SPC24: variants seen among roughly 807,000 people sequenced by gnomAD.
The protein encoded by SPC24 is SPC24 component of NDC80 kinetochore complex, also known as kinetochore protein Spc24.
In SPC24, 31 loss-of-function variants were observed where a neutral mutation model predicts 27.6. The observed-to-expected ratio is 1.12, with a 90% CI of 0.84 to 1.52. The LOEUF (loss-of-function observed/expected upper bound fraction) is 1.52. Among genes scored for constraint, SPC24 ranks in the 40% most tolerant of loss-of-function variants. SPC24 has a pLI of 0.00. For missense variants in SPC24, 284 were observed against 252.5 expected, an observed-to-expected ratio of 1.12 and a Z score of -0.84; for synonymous variants, 105 against 105.8, an observed-to-expected ratio of 0.99 and a Z score of 0.05.
intron 1 of SPC24, among the ~76,000 whole-genome samples, chr19:11,151,624 G>T (rs907838551): frequency 2.9e-4 from 44 of 151,746 alleles, no homozygotes; most frequent in Middle Eastern, 3.4e-3. Context: ...TTTTTTGGGG[G>T]GGGGGGATGG....
chr19:11,149,992 G>C (rs1022879605), intron 1 of SPC24, among the ~76,000 whole-genome samples: 15 of 151,766 alleles, frequency 9.9e-5, no homozygotes, highest in Admixed American at 8.5e-4. Flanking sequence ...TTACAGGCGT[G>C]AGCCACTGCG....
rs145261717 is a variant in SPC24 at position 11,148,335 on chromosome 19, G to T, written c.306-218C>A. Among the ~76,000 whole-genome samples the T allele has an allele frequency of 3.4e-4, 51 of 152,088 alleles. No individual in the cohort carries two copies. The East Asian group carries it at 4.8e-3, about 14-fold the overall frequency. ...TGATTCTGGAGCCCCTGCCTACCGA[G>T]TAGCTGGGATTACAAGCACACACCA... On this transcript the variant is annotated intron_variant, in intron 2 of 4. Coordinates refer to ENST00000592540, the MANE Select transcript of SPC24 (RefSeq NM_182513.4).
chr19:11,147,979 G>A, intron 3 of SPC24, 34 bp downstream of exon 3: 1 of 1,605,812 alleles, frequency 6.2e-7, no homozygotes, highest in Non-Finnish European at 8.5e-7. Flanking sequence ...TGCACAAGGA[G>A]GCACAGGCAG....
In SPC24 at chr19:11,147,262, G is replaced by C; in HGVS notation, c.515C>G (p.Pro172Arg). The stretch of plus-strand genomic sequence containing the variant: ...GAGCTGGGTGCTGTCCAGGTGGATG[G>C]GCTGGGCCACACTGGGGCCATGATG... ...GIHHGPSVAQ[P>R]IHLDSTQLSR... The change falls in exon 5 of 5, where the codon CCC (proline) becomes CGC (arginine). Residue 172 changes from proline (P) to arginine (R), a missense_variant. By Grantham distance (103) the Pro-to-Arg change is moderately radical. Transcript: ENST00000592540. The C allele has an allele frequency of 1.9e-6, 3 of 1,567,824 alleles. No homozygotes were observed. Among genetic ancestry groups the C allele is most frequent in the Non-Finnish European group, 8.7e-7 (1 of 1,155,584 alleles).
Position 11,147,205 on chromosome 19 carries a change from C to T in SPC24, c.572G>A (p.Ser191Asn), listed in dbSNP as rs1330652894. The T allele has an allele frequency of 6.4e-7, 1 of 1,554,750 alleles. No individual in the cohort carries two copies. The highest frequency in any genetic ancestry group is 8.7e-7 in the Non-Finnish European group (1 of 1,148,712). The change falls in exon 5 of 5, where the codon AGT (serine) becomes AAT (asparagine). Residue 191 changes from serine (S) to asparagine (N), a missense_variant. Transcript: ENST00000592540. ...SRKFISDYLW[S>N]LVDTEW ...TGGCTACCACTCGGTGTCCACCAGACTCCAGAGGTAGTCGCTGATGAATTT... is the reference window on the plus strand; with the variant it reads ...TGGCTACCACTCGGTGTCCACCAGATTCCAGAGGTAGTCGCTGATGAATTT...
rs376605815 is a variant in SPC24, at chr19:11,148,120, A to G, written c.306-3T>C. On this transcript the variant is annotated splice_region_variant and splice_polypyrimidine_tract_variant and intron_variant, in intron 2 of 4. Transcript: ENST00000592540. ...CTTCCAGCTCTCTGGTGAGCTGAGT[A>G]GGGCAGGTCGTTAAGGACCCCGGCT... The G allele has an allele frequency of 1.2e-6, 2 of 1,611,018 alleles. No homozygotes were observed. The highest frequency in any genetic ancestry group is 2.7e-5 in the African/African-American group (2 of 74,836).
intron 1 of SPC24, among the ~76,000 whole-genome samples, chr19:11,150,367 TC>T (rs1038704403): frequency 6.6e-5 from 10 of 151,630 alleles, no homozygotes; most frequent in African/African-American, 1.9e-4. Flanking sequence ...ATGCCTGTAA[TC>T]CCAGCTACTT....
At chr19:11,154,207 A>G (rs910167154) in intron 1 of SPC24, among the ~76,000 whole-genome samples, 1 of 152,180 alleles carries the variant, frequency 6.6e-6, no homozygotes, top group Non-Finnish European at 1.5e-5. Context: ...AATGCGGTCC[A>G]TCCTTCTATA....
chr19:11,151,279 C>G (rs1036526781), intron 1 of SPC24, among the ~76,000 whole-genome samples: 2 of 151,952 alleles, frequency 1.3e-5, no homozygotes, highest in Non-Finnish European at 2.9e-5. Context: ...TGAACACACA[C>G]GCACACACCC....
intron 1 of SPC24, among the ~76,000 whole-genome samples, chr19:11,153,328 T>G (rs1309022681): frequency 6.6e-6 from 1 of 151,626 alleles, no homozygotes; most frequent in East Asian, 1.9e-4. Flanking sequence ...GGCGGGTGCC[T>G]GTAGTCCCAG....
In SPC24 at chr19:11,147,282, A is replaced by T. The variant is rs1447466789; in HGVS notation, c.495T>A (p.His165Gln). ...CEPGMVKGIHHGPSVAQPIHL... is the reference protein window; with the variant it reads ...CEPGMVKGIHQGPSVAQPIHL... ...GGATGGGCTGGGCCACACTGGGGCC[A>T]TGATGGACTGAGGCACAGATGTAAG... is the stretch of plus-strand genomic sequence containing the variant. Residue 165 changes from histidine (H) to glutamine (Q), a missense_variant, in exon 5 of 5, where the codon CAT becomes CAA. Transcript: ENST00000592540. 12 of 1,565,270 alleles carry T rather than the reference A, an allele frequency of 7.7e-6. No individual in the cohort carries two copies. The highest frequency in any genetic ancestry group is 1.0e-5 in the Non-Finnish European group (12 of 1,154,258).
chr19:11,154,472 G>A (rs1396855199), intron 1 of SPC24, among the ~76,000 whole-genome samples: 3 of 152,136 alleles, frequency 2.0e-5, no homozygotes, highest in Non-Finnish European at 4.4e-5. Context: ...CTGGGAGGCA[G>A]AGGTTGCAGT....
Position 11,147,907 on chromosome 19 carries a change from A to T in SPC24, c.411-13T>A. 3 of 1,376,146 alleles carry T rather than the reference A, an allele frequency of 2.2e-6. No homozygotes were observed. In the South Asian group the frequency reaches 4.0e-5, roughly 18 times the overall value. 85.2% of individuals were successfully genotyped at this position (1,376,146 alleles called of 1,614,324 possible). ...TTGAGCCACGTACCTGTACAGGAAG[A>T]CAAAAAAAAAAAAAAAAAAAAAAGA... On this transcript the variant is annotated splice_polypyrimidine_tract_variant and intron_variant, in intron 3 of 4. Coordinates refer to ENST00000592540, the MANE Select transcript of SPC24 (RefSeq NM_182513.4).
intron 2 of SPC24, among the ~76,000 whole-genome samples, chr19:11,148,724 T>A (rs1407783627): frequency 1.3e-5 from 2 of 152,184 alleles, no homozygotes; most frequent in Non-Finnish European, 1.5e-5. Context: ...CTCAGCTCAC[T>A]GCAAGCTCCG....
chr19:11,145,974 C>T lies in SPC24; in HGVS notation c.*1209G>A, dbSNP rs2077820409. 6.6e-6 allele frequency: 1 copy of T among 152,058 alleles called. No individual in the cohort carries two copies. Among genetic ancestry groups the T allele is most frequent in the African/African-American group, 2.4e-5 (1 of 41,316 alleles). The allele number at this position is 152,058 out of a possible 1,614,324, so 9.4% of individuals were successfully genotyped here. A position where few individuals can be genotyped will look rare whatever the true frequency, so the allele number is the denominator to read the frequency against. ...TTGCCATGTTCCCCAGTCTGGTCTC[C>T]AACTCCTGGGCTCAAGTGATCTGCC... On this transcript the variant is annotated 3_prime_UTR_variant, in exon 5 of 5. Transcript: ENST00000592540.
intron 1 of SPC24, among the ~76,000 whole-genome samples, chr19:11,153,465 G>A (rs1230803349): frequency 1.3e-5 from 2 of 150,696 alleles, no homozygotes; most frequent in Admixed American, 1.3e-4. Context: ...ATAAAAAAAA[G>A]AAAATAGAGT....
Position 11,147,178 on chromosome 19 carries a change from C to G in SPC24, c.*5G>C. 6.5e-7 allele frequency: 1 copy of G among 1,547,914 alleles called. No individual in the cohort carries two copies. The highest frequency in any genetic ancestry group is 1.2e-5 in the South Asian group (1 of 83,976). On this transcript the variant is annotated 3_prime_UTR_variant, in exon 5 of 5. Transcript: ENST00000592540. ...GGGTGCAAGACGCAGCCACGAGGCT[C>G]CTGGCTACCACTCGGTGTCCACCAG...
intron 1 of SPC24, among the ~76,000 whole-genome samples, chr19:11,149,997 A>G (rs2147318079): frequency 6.6e-6 from 1 of 151,552 alleles, no homozygotes. Flanking sequence ...GGCGTGAGCC[A>G]CTGCGCACGG....
chr19:11,147,132 T>C lies in SPC24; in HGVS notation c.*51A>G. On this transcript the variant is annotated 3_prime_UTR_variant, in exon 5 of 5. Coordinates refer to ENST00000592540, the MANE Select transcript of SPC24 (RefSeq NM_182513.4). ...CCCCACATTTCATTTGAAATGGATC[T>C]GACCACGGCAGATGCCCGCTGGGTG... 8.9e-7 allele frequency: 1 copy of C among 1,120,600 alleles called. No individual in the cohort carries two copies. The highest frequency in any genetic ancestry group is 1.3e-6 in the Non-Finnish European group (1 of 780,854). The allele number at this position is 1,120,600 out of a possible 1,614,324, so 69.4% of individuals were successfully genotyped here. A position where few individuals can be genotyped will look rare whatever the true frequency, so the allele number is the denominator to read the frequency against.
Sources: gnomAD v4.1 joint callset for allele counts (sites outside exome capture counted in the v4.1 genomes callset) on GRCh38, gnomAD v4.1.1 for gene constraint, MANE v1.5 for transcripts, NCBI Gene and HGNC (gene_info 2026-07-23, HGNC 2026-07-21) for gene names.